CBLN2: variants seen among roughly 807,000 people sequenced by gnomAD.
CBLN2 encodes cerebellin 2 precursor, also known as cerebellin-2.
Under a neutral mutation model 15.0 loss-of-function variants are expected in CBLN2, and 7 were observed. The ratio of observed to expected loss-of-function variants is 0.47; its 90% CI spans 0.27 to 0.88. The LOEUF is 0.88. Ranked by LOEUF, CBLN2 falls within the 40% of genes least tolerant of loss-of-function variation. The pLI is 0.14. For synonymous variants in CBLN2, 149 were observed against 135.2 expected, an observed-to-expected ratio of 1.10 and a Z score of -0.71; for missense variants, 242 against 304.5, an observed-to-expected ratio of 0.79 and a Z score of 1.53.
At chr18:72,633,590 A>G (rs2069791474) in intron 1 of CBLN2, among the ~76,000 whole-genome samples, 1 of 152,166 alleles carries the variant, frequency 6.6e-6, no homozygotes, top group African/African-American at 2.4e-5. Context: ...CAACTGAAAT[A>G]ATTTCTAAAC....
intron 1 of CBLN2, among the ~76,000 whole-genome samples, chr18:72,560,176 G>T (rs1292651597): frequency 6.6e-6 from 1 of 152,192 alleles, no homozygotes; most frequent in Non-Finnish European, 1.5e-5. Flanking sequence ...AGATCCAGCT[G>T]CTCCTGCCCC....
intron 1 of CBLN2, among the ~76,000 whole-genome samples, chr18:72,631,709 G>A (rs1185904082): frequency 2.0e-5 from 3 of 152,082 alleles, no homozygotes; most frequent in Non-Finnish European, 4.4e-5. Flanking sequence ...CATAAAGCTT[G>A]ACACTCCTGC....
At chr18:72,574,197 T>C (rs2069350099) in intron 1 of CBLN2, among the ~76,000 whole-genome samples, 1 of 152,234 alleles carries the variant, frequency 6.6e-6, no homozygotes, top group Non-Finnish European at 1.5e-5. Flanking sequence ...ATTTATTAGA[T>C]ATGCCTTTTG....
Position 72,587,808 on chromosome 18 carries a change from G to C in CBLN2, c.16-49036C>G, listed in dbSNP as rs1215907313. Among the ~76,000 whole-genome samples, 5 of 152,082 alleles carry C rather than the reference G, an allele frequency of 3.3e-5. No individual in the cohort carries two copies. The East Asian group carries it at 9.6e-4, about 29-fold the overall frequency. ...ACATTACTGAGACACAAAGCCAAGT[G>C]CAAACTTCTACTTCTGTATTATATC... On this transcript the variant is annotated intron_variant, in intron 1 of 2. Transcript: ENST00000581073.
intron 1 of CBLN2, among the ~76,000 whole-genome samples, chr18:72,601,444 G>A (rs747414198): frequency 6.6e-6 from 1 of 152,250 alleles, no homozygotes; most frequent in South Asian, 2.1e-4. Flanking sequence ...AAATAGATGT[G>A]TCCAAGAAGG....
intron 1 of CBLN2, among the ~76,000 whole-genome samples, chr18:72,635,049 T>C (rs562923918): frequency 6.6e-6 from 1 of 152,274 alleles, no homozygotes; most frequent in Admixed American, 6.5e-5. Context: ...GTCTGAGCAA[T>C]GCCTTTACTC....
At chr18:72,549,762 T>A (rs565564334) in intron 1 of CBLN2, among the ~76,000 whole-genome samples, 2 of 152,298 alleles carry the variant, frequency 1.3e-5, no homozygotes, top group East Asian at 3.9e-4. Flanking sequence ...AAAGGCATTT[T>A]TAATTGGTAG....
In CBLN2 at chr18:72,543,745, G is replaced by A. The variant is rs918079683; in HGVS notation, c.-211-215C>T. Among the ~76,000 whole-genome samples, 3 of 151,804 alleles carry A rather than the reference G, an allele frequency of 2.0e-5. No individual in the cohort carries two copies. Among genetic ancestry groups the A allele is most frequent in the African/African-American group, 7.2e-5 (3 of 41,406 alleles). On this transcript the variant is annotated intron_variant, in intron 1 of 4. Transcript: ENST00000269503. This position sits in a 1 kb window ranked among gnomAD's most constrained non-coding sequence, Gnocchi z 6.8. ...CGTCTCGCCCGGCTCAGCGCCCCGCGCTGTGCGCCCAGGTGCCTCCAACCC... is the reference window on the plus strand; with the variant it reads ...CGTCTCGCCCGGCTCAGCGCCCCGCACTGTGCGCCCAGGTGCCTCCAACCC...
intron 1 of CBLN2, among the ~76,000 whole-genome samples, chr18:72,561,533 T>C (rs943838440): frequency 2.0e-5 from 3 of 152,186 alleles, no homozygotes; most frequent in Non-Finnish European, 4.4e-5. Context: ...TTGGCACAAT[T>C]TCTCTCTCTA....
chr18:72,627,626 T>C (rs2069748898), intron 1 of CBLN2, among the ~76,000 whole-genome samples: 2 of 152,234 alleles, frequency 1.3e-5, no homozygotes, highest in Non-Finnish European at 2.9e-5. Context: ...GCAGATACTT[T>C]GAGGACACTG....
chr18:72,620,387 G>C (rs1429795599), intron 1 of CBLN2: 2 of 152,242 alleles, frequency 1.3e-5, no homozygotes, highest in African/African-American at 4.8e-5. Flanking sequence ...GCTCTCAGCA[G>C]GAAGGGGAGC....
intron 1 of CBLN2, among the ~76,000 whole-genome samples, chr18:72,633,434 T>C (rs62089078): frequency 6.6e-6 from 1 of 152,130 alleles, no homozygotes; most frequent in Non-Finnish European, 1.5e-5. Context: ...CCGTTTTAGT[T>C]GAATACAAAA....
upstream of CBLN2, among the ~76,000 whole-genome samples, chr18:72,547,145 CACAAT>C: frequency 7.7e-6 from 1 of 129,306 alleles, no homozygotes; most frequent in Non-Finnish European, 1.7e-5. Flanking sequence ...CACACACACA[CACAAT>C]TGGAATACTA....
intron 1 of CBLN2, among the ~76,000 whole-genome samples, chr18:72,602,142 C>T (rs558088448): frequency 6.6e-6 from 1 of 152,290 alleles, no homozygotes; most frequent in African/African-American, 2.4e-5. Context: ...CCTTCCGGTC[C>T]CCCCAGAAGT....
At chr18:72,562,518 G>C (rs1411471515) in intron 1 of CBLN2, among the ~76,000 whole-genome samples, 4 of 152,190 alleles carry the variant, frequency 2.6e-5, no homozygotes, top group Non-Finnish European at 2.9e-5. Flanking sequence ...TCGTACTAAA[G>C]TGATAGGAAC....
At chr18:72,581,625 G>A (rs1011117900) in intron 1 of CBLN2, among the ~76,000 whole-genome samples, 2 of 152,060 alleles carry the variant, frequency 1.3e-5, no homozygotes, top group African/African-American at 4.8e-5. Context: ...GAAGTTATCT[G>A]TATATTCTCA....
intron 1 of CBLN2, among the ~76,000 whole-genome samples, chr18:72,552,155 C>T (rs1423937233): frequency 2.0e-5 from 3 of 150,946 alleles, no homozygotes; most frequent in Non-Finnish European, 2.9e-5. Context: ...GGTACGATCT[C>T]GGCTGACTGC....
Position 72,543,652 on chromosome 18 carries a change from C to A in CBLN2, c.-211-122G>T, listed in dbSNP as rs1300882555. On this transcript the variant is annotated intron_variant, in intron 1 of 4. Coordinates refer to ENST00000269503, the MANE Select transcript of CBLN2 (RefSeq NM_182511.4). The surrounding 1 kb of genome is among the most constrained non-coding windows in gnomAD (Gnocchi z 6.8). ...CCTGCCGCTTTCCCGCGCCAGCCTG[C>A]GCCGCTTCAGGGGTGCACCACGCCC... 1.6e-5 allele frequency: 6 copies of A among 377,062 alleles called. No individual in the cohort carries two copies. The East Asian group carries it at 2.3e-4, about 14-fold the overall frequency. The allele number at this position is 377,062 out of a possible 1,614,324, so 23.4% of individuals were successfully genotyped here.
At chr18:72,545,726 G>A (rs2069153192), upstream of CBLN2, among the ~76,000 whole-genome samples, 1 of 152,178 alleles carries the variant, frequency 6.6e-6, no homozygotes. Flanking sequence ...AAAGACATGT[G>A]AGACACAGAC....
Sources: allele counts gnomAD v4.1 joint callset (sites outside exome capture counted in the v4.1 genomes callset), GRCh38; gene constraint gnomAD v4.1.1; non-coding constraint Gnocchi (gnomAD v3.1); transcripts MANE v1.5; gene names NCBI Gene and HGNC (gene_info 2026-07-23, HGNC 2026-07-21).